Variants in GK5 observed in about 807,000 individuals in gnomAD.
GK5 encodes ATP:glycerol 3-phosphotransferase 5.
Under a neutral mutation model 77.3 loss-of-function variants are expected in GK5, and 39 were observed. That is an observed-to-expected ratio of 0.50 (90% CI 0.39 to 0.66). The LOEUF (loss-of-function observed/expected upper bound fraction) is 0.66. Among genes scored for constraint, GK5 ranks in the 30% least tolerant of loss-of-function variants. The probability of loss-of-function intolerance (pLI) is 0.00; values close to 1 mark genes in which losing one functional copy is unlikely to be tolerated. For synonymous variants in GK5, 211 were observed against 208.0 expected (o/e 1.01, Z -0.13); for missense variants, 487 against 633.8 (o/e 0.77, Z 2.49).
At chr3:142,198,275 T>C (rs138182977) in intron 5 of GK5, among the ~76,000 whole-genome samples, 43 of 152,194 alleles carry the variant, frequency 2.8e-4, no homozygotes, top group African/African-American at 9.9e-4. Flanking sequence ...AAAAACATAA[T>C]ATTGAGCAAA....
At chr3:142,202,207 A>G (rs2064035466) in intron 4 of GK5, among the ~76,000 whole-genome samples, 1 of 152,190 alleles carries the variant, frequency 6.6e-6, no homozygotes, top group South Asian at 2.1e-4. Flanking sequence ...AGGAGTTGGG[A>G]TTTTATGCTA....
At chr3:142,193,322 T>C (rs967613276) in intron 5 of GK5, among the ~76,000 whole-genome samples, 1 of 152,120 alleles carries the variant, frequency 6.6e-6, no homozygotes, top group Non-Finnish European at 1.5e-5. Context: ...GGTAAGTATG[T>C]GAAAAGATAT....
chr3:142,195,135 T>C (rs1007611349), intron 5 of GK5, among the ~76,000 whole-genome samples: 1 of 152,070 alleles, frequency 6.6e-6, no homozygotes, highest in African/African-American at 2.4e-5. Context: ...ATGTGTTTTT[T>C]TGTCCTTTAT....
chr3:142,221,406 C>T, intron 1 of GK5, among the ~76,000 whole-genome samples: 1 of 152,184 alleles, frequency 6.6e-6, no homozygotes, highest in East Asian at 1.9e-4. Flanking sequence ...AGGGTCACTT[C>T]CCCCCACTTT....
intron 9 of GK5, among the ~76,000 whole-genome samples, chr3:142,184,283 A>G (rs1381251912): frequency 6.7e-6 from 1 of 149,518 alleles, no homozygotes; most frequent in Non-Finnish European, 1.5e-5. Context: ...AAAAAAAAAA[A>G]AAAGAAAATA....
At position 142,212,840 on chromosome 3, in the gene GK5, C is replaced by CTTTTTTTTTTCTT. The variant is rs1577148795; in HGVS notation, c.317+685_317+686insAAGAAAAAAAAAA. On this transcript the variant is annotated intron_variant, in intron 3 of 15. Transcript: ENST00000392993. ...TAGACAAATATTTTCTTTTTTTTTTCTTTTTTTTTTTTTGAGACGGAGTCT... is the reference window on the plus strand; with the variant it reads ...TAGACAAATATTTTCTTTTTTTTTTCTTTTTTTTTTCTTTTTTTTTTTTTTTGAGACGGAGTCT... Among the ~76,000 whole-genome samples, 44 of 101,164 alleles carry CTTTTTTTTTTCTT rather than the reference C, an allele frequency of 4.3e-4. 1 individual carries two copies. Among genetic ancestry groups the CTTTTTTTTTTCTT allele is most frequent in the African/African-American group, 1.7e-3 (44 of 25,154 alleles). 66.4% of individuals were successfully genotyped at this position (101,164 alleles called of 152,430 possible).
At position 142,159,853 on chromosome 3, in the gene GK5, C is replaced by CTCTTTTTTTTTTTTTTTT. The variant is rs1553825247; in HGVS notation, c.*5768_*5769insAAAAAAAAAAAAAAAAGA. Reference sequence around the variant, plus strand: ...TTTCTCTCTCTCTCTCTCTCTCTCTCTTTTTTTTTTTTGAGACAGAGTCTC... The same window carrying CTCTTTTTTTTTTTTTTTT: ...TTTCTCTCTCTCTCTCTCTCTCTCTCTCTTTTTTTTTTTTTTTTTTTTTTTTTTTTGAGACAGAGTCTC... On this transcript the variant is annotated 3_prime_UTR_variant, in exon 16 of 16. Transcript: ENST00000392993. The CTCTTTTTTTTTTTTTTTT allele has an allele frequency of 5.7e-5, 6 of 106,122 alleles. No homozygotes were observed. The highest frequency in any genetic ancestry group is 2.1e-4 in the African/African-American group (5 of 24,252). 6.6% of individuals were successfully genotyped at this position (106,122 alleles called of 1,614,324 possible).
intron 5 of GK5, among the ~76,000 whole-genome samples, chr3:142,190,862 C>A (rs943969548): frequency 2.0e-5 from 3 of 151,924 alleles, no homozygotes; most frequent in Non-Finnish European, 2.9e-5. Context: ...AAGTGTTAAA[C>A]CAGCAGAAAA....
chr3:142,159,847 C>CTTTTTTTTT lies in GK5; in HGVS notation c.*5774_*5775insAAAAAAAAA, dbSNP rs1407448771. ...TGGGGCTTTCTCTCTCTCTCTCTCT[C>CTTTTTTTTT]TCTCTCTTTTTTTTTTTTGAGACAG... On this transcript the variant is annotated 3_prime_UTR_variant, in exon 16 of 16. Coordinates refer to ENST00000392993, the MANE Select transcript of GK5 (RefSeq NM_001039547.3). The CTTTTTTTTT allele has an allele frequency of 1.9e-5, 2 of 103,218 alleles. No individual in the cohort carries two copies. The highest frequency in any genetic ancestry group is 8.9e-5 in the Admixed American group (1 of 11,270). The allele number at this position is 103,218 out of a possible 1,614,324, so 6.4% of individuals were successfully genotyped here.
rs912728456 is a variant in GK5 at position 142,158,783 on chromosome 3, G to C, written c.*6839C>G. On this transcript the variant is annotated 3_prime_UTR_variant, in exon 16 of 16. Coordinates refer to ENST00000392993, the MANE Select transcript of GK5 (RefSeq NM_001039547.3). Reference sequence around the variant, plus strand: ...AAATCAGCCTGCTTTAAATAAAAAGGTTAGAAACATTATGATAACTATGTA... The same window carrying C: ...AAATCAGCCTGCTTTAAATAAAAAGCTTAGAAACATTATGATAACTATGTA... The C allele has an allele frequency of 6.6e-6, 1 of 152,346 alleles. No homozygotes were observed. The highest frequency in any genetic ancestry group is 2.4e-5 in the African/African-American group (1 of 41,408). The allele number at this position is 152,346 out of a possible 1,614,324, so 9.4% of individuals were successfully genotyped here.
At chr3:142,185,560 T>C (rs1199815305) in intron 9 of GK5, 2 of 1,055,548 alleles carry the variant, frequency 1.9e-6, no homozygotes, top group South Asian at 6.0e-5. Context: ...TGGTTACACA[T>C]TATCAAACAG....
intron 9 of GK5, among the ~76,000 whole-genome samples, chr3:142,183,787 T>C (rs980984094): frequency 6.6e-6 from 1 of 151,790 alleles, no homozygotes; most frequent in Non-Finnish European, 1.5e-5. Context: ...TTTGTAGAGA[T>C]GGGGTTTCAC....
Position 142,173,318 on chromosome 3 carries a change from G to A in GK5, c.1144-862C>T, listed in dbSNP as rs1481884431. 9.0e-6 allele frequency: 3 copies of A among 335,160 alleles called. No homozygotes were observed. The East Asian group carries it at 2.3e-4, about 25-fold the overall frequency. The allele number at this position is 335,160 out of a possible 1,614,324, so 20.8% of individuals were successfully genotyped here. On this transcript the variant is annotated intron_variant, in intron 12 of 15. Coordinates refer to ENST00000392993, the MANE Select transcript of GK5 (RefSeq NM_001039547.3). ...AAAGAGCCAAAATGTTGAGCTGGAA[G>A]TATGTATTAATCAGATGAGGTTTCT...
intron 3 of GK5, among the ~76,000 whole-genome samples, chr3:142,208,446 C>T (rs1266876025): frequency 2.0e-5 from 3 of 152,086 alleles, no homozygotes; most frequent in South Asian, 2.1e-4. Flanking sequence ...GTCTTTGATG[C>T]ATTTTGGGAT....
Position 142,187,683 on chromosome 3 carries a change from G to A in GK5, c.619+21C>T, listed in dbSNP as rs371149119. On this transcript the variant is annotated intron_variant, in intron 6 of 15. Transcript: ENST00000392993. The stretch of plus-strand genomic sequence containing the variant: ...GATCAAATTTCGGTTATTTAAAATA[G>A]ATCTTTCAGGTCATCTTTACCTTTT... 10 of 1,531,654 alleles carry A rather than the reference G, an allele frequency of 6.5e-6. No homozygotes were observed. In the African/African-American group the frequency reaches 1.1e-4, roughly 17 times the overall value. The allele number at this position is 1,531,654 out of a possible 1,614,324, so 94.9% of individuals were successfully genotyped here.
In GK5 at chr3:142,163,133, A is replaced by G. The variant is rs1374344178; in HGVS notation, c.*2489T>C. 1 of 152,180 alleles carries G rather than the reference A, an allele frequency of 6.6e-6. No individual in the cohort carries two copies. Among genetic ancestry groups the G allele is most frequent in the Non-Finnish European group, 1.5e-5 (1 of 68,040 alleles). The allele number at this position is 152,180 out of a possible 1,614,324, so 9.4% of individuals were successfully genotyped here. A position where few individuals can be genotyped will look rare whatever the true frequency, so the allele number is the denominator to read the frequency against. On this transcript the variant is annotated 3_prime_UTR_variant, in exon 16 of 16. Coordinates refer to ENST00000392993, the MANE Select transcript of GK5 (RefSeq NM_001039547.3). ...AAATATTTATTAAAGTCTTATCACT[A>G]AAAATGGCCACAAATATTAAAAATA...
chr3:142,223,806 C>G (rs188060692), intron 1 of GK5, among the ~76,000 whole-genome samples: 60 of 152,314 alleles, frequency 3.9e-4, no homozygotes, highest in African/African-American at 1.4e-3. Context: ...CCATTGCACT[C>G]CAGCCTGGGT....
chr3:142,197,563 A>T (rs1320914179), intron 5 of GK5, among the ~76,000 whole-genome samples: 2 of 152,154 alleles, frequency 1.3e-5, no homozygotes, highest in Non-Finnish European at 2.9e-5. Context: ...TTTTTTATCC[A>T]GTCTAAAATC....
chr3:142,208,581 G>A (rs972729719), intron 3 of GK5, among the ~76,000 whole-genome samples: 18 of 152,160 alleles, frequency 1.2e-4, no homozygotes, highest in African/African-American at 3.4e-4. Context: ...TAGCACCTTT[G>A]TCAAAGATCA....
Sources: allele counts gnomAD v4.1 joint callset (sites outside exome capture counted in the v4.1 genomes callset), GRCh38; gene constraint gnomAD v4.1.1; transcripts MANE v1.5; gene names NCBI Gene and HGNC (gene_info 2026-07-23, HGNC 2026-07-21).